The following ENAH variants were observed in gnomAD, a reference collection of about 807,000 sequenced individuals.
ENAH encodes the protein protein enabled homolog.
A neutral mutation model predicts 78.7 loss-of-function variants in ENAH; 23 were observed. The observed-to-expected ratio is 0.29, with a 90% CI of 0.21 to 0.41. ENAH has a LOEUF of 0.41. Among genes scored for constraint, ENAH ranks in the 10% least tolerant of loss-of-function variants. The pLI, the probability that ENAH is intolerant of heterozygous loss-of-function variation, is 1.00. For missense variants in ENAH, 544 were observed against 691.0 expected (o/e 0.79, Z 2.39); for synonymous variants, 226 against 241.0 (o/e 0.94, Z 0.58).
chr1:225,621,118 TG>T (rs1656806021), intron 1 of ENAH, among the ~76,000 whole-genome samples: 1 of 152,184 alleles, frequency 6.6e-6, no homozygotes, highest in South Asian at 2.1e-4. Flanking sequence ...CAAATCTCCT[TG>T]GGAAAATCTT....
chr1:225,579,032 G>A (rs1016548394), intron 1 of ENAH, among the ~76,000 whole-genome samples: 2 of 152,006 alleles, frequency 1.3e-5, no homozygotes, highest in South Asian at 2.1e-4. Context: ...TTATTAATTC[G>A]CTTATTTCTT....
intron 3 of ENAH, among the ~76,000 whole-genome samples, chr1:225,538,228 T>C (rs2096571699): frequency 6.6e-6 from 1 of 152,104 alleles, no homozygotes; most frequent in African/African-American, 2.4e-5. Flanking sequence ...ACGCAATACA[T>C]TTTTGAGACA....
intron 1 of ENAH, among the ~76,000 whole-genome samples, chr1:225,646,954 C>T (rs991156051): frequency 3.3e-5 from 5 of 151,864 alleles, no homozygotes; most frequent in African/African-American, 4.8e-5. Context: ...GGGCTGGGGG[C>T]GGTGACTCAC....
intron 2 of ENAH, among the ~76,000 whole-genome samples, chr1:225,558,680 C>T (rs2096682475): frequency 8.2e-6 from 1 of 122,464 alleles, no homozygotes; most frequent in Non-Finnish European, 1.6e-5. Context: ...GTCGCCCAGG[C>T]TGGAGTGCAG....
chr1:225,634,946 G>A (rs923076304), intron 1 of ENAH, among the ~76,000 whole-genome samples: 4 of 152,264 alleles, frequency 2.6e-5, no homozygotes, highest in South Asian at 2.1e-4. Flanking sequence ...TGCAAAAAAC[G>A]CCATTGGGAT....
intron 1 of ENAH, among the ~76,000 whole-genome samples, chr1:225,597,010 C>T (rs2096904892): frequency 6.6e-6 from 1 of 152,140 alleles, no homozygotes; most frequent in Admixed American, 6.5e-5. Flanking sequence ...GGATAGAAGA[C>T]TTCTAAATCC....
chr1:225,513,846 G>C (rs2096395761), intron 7 of ENAH, among the ~76,000 whole-genome samples: 1 of 152,004 alleles, frequency 6.6e-6, no homozygotes, highest in Non-Finnish European at 1.5e-5. Flanking sequence ...ACAAAAATTA[G>C]CTAAGCATGG....
At chr1:225,548,965 T>C (rs556723337) in intron 3 of ENAH, among the ~76,000 whole-genome samples, 2 of 151,740 alleles carry the variant, frequency 1.3e-5, no homozygotes, top group Admixed American at 1.3e-4. Flanking sequence ...TTCTCCTGCA[T>C]CGGCCTCCCG....
At chr1:225,575,838 T>C (rs1490723083) in intron 1 of ENAH, among the ~76,000 whole-genome samples, 1 of 152,220 alleles carries the variant, frequency 6.6e-6, no homozygotes, top group Non-Finnish European at 1.5e-5. Flanking sequence ...AGAAGTGGCC[T>C]GAAAAGTGGT....
Position 225,519,545 on chromosome 1 carries a change from C to T in ENAH, c.455G>A (p.Arg152Gln), listed in dbSNP as rs766016374. ...IQRRQLQEQQ[R>Q]QKELERERLE... ...CCTTTCCCGCTCCAGCTCCTTTTGC[C>T]GTTGCTGTTCTTGTAGTTGTCTGGA... is the stretch of plus-strand genomic sequence containing the variant. The change falls in exon 5 of 14, where the codon CGG (arginine) becomes CAG (glutamine). Residue 152 changes from arginine (R) to glutamine (Q), a missense_variant. Arg to Gln is a conservative substitution (Grantham distance 43). Around this residue, in one of 4 missense-constraint regions of ENAH, gnomAD observed 366 missense variants for 396.1 expected, o/e 0.92. Transcript: ENST00000366843. 6.8e-6 allele frequency: 11 copies of T among 1,610,146 alleles called. No homozygotes were observed. The highest frequency in any genetic ancestry group is 6.6e-5 in the South Asian group (6 of 90,828).
At chr1:225,638,997 A>G (rs545288333) in intron 1 of ENAH, among the ~76,000 whole-genome samples, 84 of 152,326 alleles carry the variant, frequency 5.5e-4, no homozygotes, top group African/African-American at 2.0e-3. Context: ...ATTAGCCTCT[A>G]TGTCAGGCCA....
chr1:225,575,938 A>G (rs2096785555), intron 1 of ENAH, among the ~76,000 whole-genome samples: 1 of 152,130 alleles, frequency 6.6e-6, no homozygotes, highest in African/African-American at 2.4e-5. Flanking sequence ...TCTGACCTCC[A>G]ATGCCCAAAT....
intron 2 of ENAH, among the ~76,000 whole-genome samples, chr1:225,563,323 C>T (rs1470396415): frequency 1.3e-5 from 2 of 152,238 alleles, no homozygotes; most frequent in East Asian, 3.9e-4. Flanking sequence ...TCCTCTGTAT[C>T]ACTAAATGAA....
At chr1:225,560,568 G>A (rs1297451331) in intron 2 of ENAH, among the ~76,000 whole-genome samples, 3 of 152,076 alleles carry the variant, frequency 2.0e-5, no homozygotes, top group Admixed American at 6.5e-5. Flanking sequence ...CATGGGACAC[G>A]ACAGTCTTGA....
chr1:225,517,749 G>C (rs114000084), intron 5 of ENAH: 1 of 1,551,292 alleles, frequency 6.4e-7, no homozygotes, highest in Non-Finnish European at 8.7e-7. Context: ...TAGCGTAATG[G>C]GGAAGAACAG....
chr1:225,627,819 A>T (rs2148322464), intron 1 of ENAH, among the ~76,000 whole-genome samples: 1 of 152,294 alleles, frequency 6.6e-6, no homozygotes, highest in African/African-American at 2.4e-5. Flanking sequence ...CACCAAGCCC[A>T]GTGGTGGAGT....
At chr1:225,550,276 G>A (rs74149844) in intron 3 of ENAH, among the ~76,000 whole-genome samples, 13,883 of 152,038 alleles carry the variant, frequency 0.091, 697 homozygotes, top group Admixed American at 0.15. Flanking sequence ...TTGGTATTCC[G>A]AAGGCCTTTC....
At chr1:225,529,874 AC>A (rs950145632) in intron 4 of ENAH, among the ~76,000 whole-genome samples, 1 of 152,140 alleles carries the variant, frequency 6.6e-6, no homozygotes, top group Non-Finnish European at 1.5e-5. Flanking sequence ...GTCCTCCCCA[AC>A]CCCAGCTCAA....
At position 225,512,769 on chromosome 1, in the gene ENAH, C is replaced by T. The variant is rs2096387490; in HGVS notation, c.1365-55G>A. 4 of 1,608,604 alleles carry T rather than the reference C, an allele frequency of 2.5e-6. No homozygotes were observed. In the South Asian group the frequency reaches 3.3e-5, roughly 13 times the overall value. On this transcript the variant is annotated intron_variant, in intron 8 of 13. Coordinates refer to ENST00000366843, the MANE Select transcript of ENAH (RefSeq NM_018212.6). ...AATATTATCTGATTCAGTATAAAAA[C>T]CACTTCTCTACGAGGAAAGAAGTGC...
Sources: allele counts gnomAD v4.1 joint callset (sites outside exome capture counted in the v4.1 genomes callset), GRCh38; gene constraint gnomAD v4.1.1; regional missense constraint gnomAD v4.1.1; transcripts MANE v1.5; gene names NCBI Gene and HGNC (gene_info 2026-07-23, HGNC 2026-07-21).